UGT1A4: variants seen among roughly 807,000 people sequenced by gnomAD.
UGT1A4 encodes UDP glucuronosyltransferase family 1 member A4.
Under a neutral mutation model 41.1 loss-of-function variants are expected in UGT1A4, and 32 were observed. The ratio of observed to expected loss-of-function variants is 0.78; its 90% CI spans 0.59 to 1.05. The LOEUF (loss-of-function observed/expected upper bound fraction) is 1.05, where lower values mean the gene tolerates loss of function less well. UGT1A4 is among the 50% of genes least tolerant of loss of function. The probability of loss-of-function intolerance (pLI) is 0.00; values close to 1 mark genes in which losing one functional copy is unlikely to be tolerated. For missense variants in UGT1A4, 748 were observed against 677.4 expected (o/e 1.10, Z -1.16); for synonymous variants, 283 against 265.1 (o/e 1.07, Z -0.66).
At chr2:233,741,204 T>C (rs1691587952) in intron 1 of UGT1A4, among the ~76,000 whole-genome samples, 1 of 151,922 alleles carries the variant, frequency 6.6e-6, no homozygotes, top group Admixed American at 6.5e-5. Flanking sequence ...CTGTTAAAAC[T>C]AGCCAGAGTT....
Position 233,719,117 on chromosome 2 carries a change from G to T in UGT1A4, c.297G>T (p.Gly99=), listed in dbSNP as rs761490999. 1 of 1,614,140 alleles carries T rather than the reference G, an allele frequency of 6.2e-7. No individual in the cohort carries two copies. Among genetic ancestry groups the T allele is most frequent in the African/African-American group, 1.3e-5 (1 of 74,940 alleles). Residue 99 remains glycine (G), a synonymous_variant, in exon 1 of 5, where the codon GGG becomes GGT. Transcript: ENST00000373409. ...GCGTTACGCTGGGCTACACTCAAGG[G>T]TTCTTTGAAACAGAACATCTTCTGA... is the stretch of plus-strand genomic sequence containing the variant. ...FDRVTLGYTQ[G]FFETEHLLKR... is the part of the protein sequence containing the mutation.
Position 233,754,476 on chromosome 2 carries a change from C to A in UGT1A4, c.868-12558C>A, listed in dbSNP as rs561719885. 3.5e-4 allele frequency: 124 copies of A among 357,228 alleles called. 1 individual carries two copies. Among genetic ancestry groups the A allele is most frequent in the Admixed American group, 6.4e-4 (17 of 26,454 alleles). The allele number at this position is 357,228 out of a possible 1,614,324, so 22.1% of individuals were successfully genotyped here. A position where few individuals can be genotyped will look rare whatever the true frequency, so the allele number is the denominator to read the frequency against. ...GTACAGCTGTTCTGAAAGTAAAGTT[C>A]ACTTTCAATCCTAAAAAAAGTCCGC... On this transcript the variant is annotated intron_variant, in intron 1 of 4. Coordinates refer to ENST00000373409, the MANE Select transcript of UGT1A4 (RefSeq NM_007120.3).
intron 1 of UGT1A4, chr2:233,753,392 A>T (rs1289674788): frequency 6.6e-6 from 1 of 152,232 alleles, no homozygotes; most frequent in Non-Finnish European, 1.5e-5. Flanking sequence ...CTCTGAGGGT[A>T]CTAGAGCATA....
intron 1 of UGT1A4, among the ~76,000 whole-genome samples, chr2:233,720,845 G>A (rs1182683135): frequency 1.3e-5 from 2 of 150,558 alleles, no homozygotes; most frequent in African/African-American, 2.5e-5. Flanking sequence ...AACTGGGACT[G>A]CAGGCATGTG....
intron 1 of UGT1A4, chr2:233,747,094 A>T: frequency 7.8e-7 from 1 of 1,281,688 alleles, no homozygotes; most frequent in Non-Finnish European, 1.1e-6. Flanking sequence ...AGAGCACTCT[A>T]TCTTCCAATT....
chr2:233,731,432 C>T (rs2078159298), intron 1 of UGT1A4, among the ~76,000 whole-genome samples: 1 of 152,116 alleles, frequency 6.6e-6, no homozygotes, highest in Non-Finnish European at 1.5e-5. Flanking sequence ...CCATCCCTCC[C>T]CCAGTCCCCC....
In UGT1A4 at chr2:233,772,680, C is replaced by T; in HGVS notation, c.*121C>T. 2 of 1,530,096 alleles carry T rather than the reference C, an allele frequency of 1.3e-6. No homozygotes were observed. The highest frequency in any genetic ancestry group is 2.5e-5 in the South Asian group (2 of 81,594). 94.8% of individuals were successfully genotyped at this position (1,530,096 alleles called of 1,614,324 possible). A position where few individuals can be genotyped will look rare whatever the true frequency, so the allele number is the denominator to read the frequency against. On this transcript the variant is annotated 3_prime_UTR_variant, in exon 5 of 5. Transcript: ENST00000373409. ...AAGGAAATACTTTGCATAAATTAAT[C>T]AGCCCCAGAGTGCTTTAAAAAATTC...
At chr2:233,725,764 C>G (rs1373965651) in intron 1 of UGT1A4, among the ~76,000 whole-genome samples, 2 of 152,148 alleles carry the variant, frequency 1.3e-5, no homozygotes, top group Admixed American at 1.3e-4. Context: ...ACATTTTCTT[C>G]ACATAGTTTG....
chr2:233,748,002 G>T, intron 1 of UGT1A4: 1 of 1,613,500 alleles, frequency 6.2e-7, no homozygotes, highest in Non-Finnish European at 8.5e-7. Context: ...CTTTGTGATG[G>T]ATTACCCCAG....
At chr2:233,771,559 G>GTA (rs1700328528) in intron 4 of UGT1A4, 1 of 152,152 alleles carries the variant, frequency 6.6e-6, no homozygotes, top group South Asian at 2.1e-4. Flanking sequence ...CTGTTAATTT[G>GTA]GCCAGAGGTG....
intron 1 of UGT1A4, among the ~76,000 whole-genome samples, chr2:233,724,141 C>T (rs1432728282): frequency 6.1e-5 from 7 of 115,170 alleles, no homozygotes; most frequent in African/African-American, 2.0e-4. Context: ...CCGGACGGGG[C>T]GGCTGGCCGG....
At position 233,719,460 on chromosome 2, in the gene UGT1A4, A is replaced by G. The variant is rs1246194509; in HGVS notation, c.640A>G (p.Met214Val). 3 of 1,613,974 alleles carry G rather than the reference A, an allele frequency of 1.9e-6. No individual in the cohort carries two copies. The highest frequency in any genetic ancestry group is 2.5e-6 in the Non-Finnish European group (3 of 1,179,850). ...GACATTCCTGCAAAGGGTCAAGAAC[A>G]TGCTCTACCCTCTGGCCCTGTCCTA... ...HMTFLQRVKN[M>V]LYPLALSYIC... Residue 214 changes from methionine (M) to valine (V), a missense_variant, in exon 1 of 5, where the codon ATG becomes GTG. Physicochemically the swap from Met to Val is conservative, Grantham distance 21. Transcript: ENST00000373409.
intron 1 of UGT1A4, among the ~76,000 whole-genome samples, chr2:233,739,394 A>AC (rs1399840083): frequency 1.3e-5 from 2 of 152,222 alleles, no homozygotes; most frequent in Non-Finnish European, 1.5e-5. Flanking sequence ...AGCCACAGAC[A>AC]TCAATGCCAC....
At chr2:233,751,657 CTGAG>C (rs111702425) in intron 1 of UGT1A4, among the ~76,000 whole-genome samples, 4 of 152,292 alleles carry the variant, frequency 2.6e-5, no homozygotes, top group African/African-American at 9.6e-5. Context: ...TCTCATCCTA[CTGAG>C]TGAGTTCTAA....
intron 1 of UGT1A4, chr2:233,755,763 T>G (rs1382676061): frequency 6.5e-6 from 1 of 152,928 alleles, no homozygotes; most frequent in Non-Finnish European, 1.5e-5. Context: ...TTTGCTTTTG[T>G]TCATCTGGAT....
intron 1 of UGT1A4, among the ~76,000 whole-genome samples, chr2:233,723,682 C>CCTT: frequency 1.0e-5 from 1 of 95,480 alleles, no homozygotes; most frequent in African/African-American, 5.0e-5. Flanking sequence ...CTGCGGCCTT[C>CCTT]CGCAGTGTTT....
At chr2:233,730,394 T>C (rs1343780073) in intron 1 of UGT1A4, among the ~76,000 whole-genome samples, 2 of 152,242 alleles carry the variant, frequency 1.3e-5, no homozygotes, top group Non-Finnish European at 2.9e-5. Context: ...GATGCAACAG[T>C]AAATTACAAT....
rs779879780 is a variant in UGT1A4 at position 233,772,123 on chromosome 2, AACAAC to A, written c.1308-137_1308-133del. ...GCAAGACTCTGTATCTAAAAACAAC[AACAAC>A]AACAATAATAGAAACAGGTTTCCTT... On this transcript the variant is annotated intron_variant, in intron 4 of 4. Transcript: ENST00000373409. 9.6e-4 allele frequency: 1,484 copies of A among 1,538,280 alleles called. 5 individuals are homozygous for A. The highest frequency in any genetic ancestry group is 4.4e-3 in the Admixed American group (222 of 50,484).
In UGT1A4 at chr2:233,719,446, A is replaced by G. The variant is rs765990866; in HGVS notation, c.626A>G (p.Gln209Arg). ...AATTCAGACCACATGACATTCCTGC[A>G]AAGGGTCAAGAACATGCTCTACCCT... The part of the protein sequence containing the change: ...TTNSDHMTFL[Q>R]RVKNMLYPLA... Residue 209 changes from glutamine to arginine, a missense_variant, in exon 1 of 5, where the codon CAA becomes CGA. Physicochemically the swap from Gln to Arg is conservative, Grantham distance 43. Coordinates refer to ENST00000373409, the MANE Select transcript of UGT1A4 (RefSeq NM_007120.3). 3.0e-5 allele frequency: 48 copies of G among 1,613,862 alleles called. No individual in the cohort carries two copies. Among genetic ancestry groups the G allele is most frequent in the Non-Finnish European group, 2.5e-5 (29 of 1,179,872 alleles).
Sources: gnomAD v4.1 joint callset for allele counts (sites outside exome capture counted in the v4.1 genomes callset) on GRCh38, gnomAD v4.1.1 for gene constraint, MANE v1.5 for transcripts, NCBI Gene and HGNC (gene_info 2026-07-23, HGNC 2026-07-21) for gene names.